Variants in ASTN2 observed in about 807,000 individuals in gnomAD.
ASTN2 encodes astrotactin 2.
ASTN2 carries 54 observed loss-of-function variants against 139.8 expected under a neutral mutation model. The ratio of observed to expected loss-of-function variants is 0.39; its 90% CI spans 0.31 to 0.48. ASTN2 has a LOEUF of 0.48. Among genes scored for constraint, ASTN2 ranks in the 20% least tolerant of loss-of-function variants. The pLI is 0.95. For synonymous variants in ASTN2, 756 were observed against 719.5 expected (o/e 1.05, Z -0.81); for missense variants, 1,565 against 1,725.1 (o/e 0.91, Z 1.64).
At position 117,345,885 on chromosome 9, in the gene ASTN2, A is replaced by C. The variant is rs185670101; in HGVS notation, c.443-54372T>G. On this transcript the variant is annotated intron_variant, in intron 1 of 22. Coordinates refer to ENST00000313400, the MANE Select transcript of ASTN2 (RefSeq NM_001365068.1). ...ATATCCTCAATTCTGCAGTTTTCTT[A>C]TTAGACCTACTTACTCTCATTAATT... 2.2e-3 allele frequency among the ~76,000 whole-genome samples: 327 copies of C among 152,060 alleles called. 3 individuals carry two copies. Among genetic ancestry groups the C allele is most frequent in the African/African-American group, 7.5e-3 (312 of 41,478 alleles).
chr9:117,308,161 A>G (rs1471762987), intron 1 of ASTN2, among the ~76,000 whole-genome samples: 3 of 152,174 alleles, frequency 2.0e-5, no homozygotes, highest in Non-Finnish European at 2.9e-5. Flanking sequence ...TCCACACACC[A>G]TGCAGGAAAC....
intron 4 of ASTN2, among the ~76,000 whole-genome samples, chr9:117,133,666 G>A (rs1829876866): frequency 6.6e-6 from 1 of 152,170 alleles, no homozygotes; most frequent in South Asian, 2.1e-4. Flanking sequence ...TAAATTACTT[G>A]AATAAAAGAT....
At chr9:116,463,364 T>A (rs565551891) in intron 20 of ASTN2, among the ~76,000 whole-genome samples, 13 of 152,282 alleles carry the variant, frequency 8.5e-5, no homozygotes, top group African/African-American at 2.9e-4. Flanking sequence ...TAAAAACTAT[T>A]CTCCCTAAGC....
chr9:117,240,701 C>T (rs914599113), intron 2 of ASTN2, among the ~76,000 whole-genome samples: 1 of 152,096 alleles, frequency 6.6e-6, no homozygotes, highest in South Asian at 2.1e-4. Flanking sequence ...GCTATGTGGG[C>T]CAGTTTTTCT....
intron 20 of ASTN2, among the ~76,000 whole-genome samples, chr9:116,475,288 G>A (rs1848942264): frequency 6.6e-6 from 1 of 152,114 alleles, no homozygotes; most frequent in Non-Finnish European, 1.5e-5. Flanking sequence ...ATTTACTGCA[G>A]TCCTCACTCC....
chr9:117,361,666 G>A (rs1829696310), intron 1 of ASTN2, among the ~76,000 whole-genome samples: 1 of 152,084 alleles, frequency 6.6e-6, no homozygotes, highest in African/African-American at 2.4e-5. Context: ...CAGTTCCCTG[G>A]ACCCTAAAAA....
At chr9:117,345,541 G>C (rs1446364776) in intron 1 of ASTN2, among the ~76,000 whole-genome samples, 1 of 152,182 alleles carries the variant, frequency 6.6e-6, no homozygotes, top group Non-Finnish European at 1.5e-5. Context: ...AGGTCACACA[G>C]CTGATAGGTG....
At chr9:117,330,802 G>A (rs1237430491) in intron 1 of ASTN2, among the ~76,000 whole-genome samples, 4 of 152,150 alleles carry the variant, frequency 2.6e-5, no homozygotes, top group Non-Finnish European at 5.9e-5. Flanking sequence ...CTGTCTAAAG[G>A]GATATAAATG....
intron 2 of ASTN2, among the ~76,000 whole-genome samples, chr9:117,236,772 C>T (rs969001622): frequency 6.6e-6 from 1 of 152,172 alleles, no homozygotes; most frequent in African/African-American, 2.4e-5. Flanking sequence ...TTAGTTTTCT[C>T]ACCTATAAAA....
intron 19 of ASTN2, among the ~76,000 whole-genome samples, chr9:116,544,386 G>T (rs555472214): frequency 2.6e-5 from 4 of 152,098 alleles, no homozygotes; most frequent in Non-Finnish European, 4.4e-5. Context: ...GTTTTGCATC[G>T]AAAATCACCA....
At chr9:117,186,184 T>A (rs7858026) in intron 3 of ASTN2, among the ~76,000 whole-genome samples, 73,798 of 151,860 alleles carry the variant, frequency 0.49, 18,562 homozygotes, top group East Asian at 0.78. Context: ...TTATGCGTAA[T>A]TATTTATTAA....
chr9:117,338,202 T>C (rs927231016), intron 1 of ASTN2, among the ~76,000 whole-genome samples: 4 of 152,170 alleles, frequency 2.6e-5, no homozygotes, highest in African/African-American at 9.7e-5. Flanking sequence ...TGACTATTTG[T>C]TAATTATTAT....
intron 13 of ASTN2, among the ~76,000 whole-genome samples, chr9:116,737,224 C>T (rs1588252020): frequency 6.6e-6 from 1 of 152,208 alleles, no homozygotes; most frequent in East Asian, 1.9e-4. Context: ...TCCTGCAAGG[C>T]CTCTGCCAGC....
At chr9:117,349,825 A>G (rs1209387484) in intron 1 of ASTN2, among the ~76,000 whole-genome samples, 1 of 152,200 alleles carries the variant, frequency 6.6e-6, no homozygotes, top group African/African-American at 2.4e-5. Flanking sequence ...TATGATAACA[A>G]AGGGACTTCA....
intron 3 of ASTN2, among the ~76,000 whole-genome samples, chr9:117,192,271 G>A (rs1005097295): frequency 2.0e-5 from 3 of 152,156 alleles, no homozygotes; most frequent in African/African-American, 7.2e-5. Flanking sequence ...AAAAGCCGCA[G>A]AGGCAGGGTC....
At chr9:116,882,001 C>T (rs1304159479) in intron 10 of ASTN2, among the ~76,000 whole-genome samples, 2 of 152,142 alleles carry the variant, frequency 1.3e-5, no homozygotes, top group African/African-American at 4.8e-5. Flanking sequence ...AATTGTTAAG[C>T]ACTCAGTGCC....
chr9:116,452,476 G>A (rs1848204468), intron 20 of ASTN2, among the ~76,000 whole-genome samples: 1 of 152,170 alleles, frequency 6.6e-6, no homozygotes, highest in South Asian at 2.1e-4. Flanking sequence ...GGACTAAATG[G>A]TGATTATGGA....
At chr9:116,792,936 C>T (rs1830595571) in intron 13 of ASTN2, among the ~76,000 whole-genome samples, 1 of 151,954 alleles carries the variant, frequency 6.6e-6, no homozygotes. Flanking sequence ...ATAGCAGAAA[C>T]TGGGGACTAC....
At chr9:117,135,193 G>A (rs1369857778) in intron 4 of ASTN2, among the ~76,000 whole-genome samples, 1 of 152,190 alleles carries the variant, frequency 6.6e-6, no homozygotes, top group African/African-American at 2.4e-5. Flanking sequence ...AGTCATCTGG[G>A]AATTTAAATG....
Sources: allele counts gnomAD v4.1 joint callset (sites outside exome capture counted in the v4.1 genomes callset), GRCh38; gene constraint gnomAD v4.1.1; transcripts MANE v1.5; gene names NCBI Gene and HGNC (gene_info 2026-07-23, HGNC 2026-07-21).